The following PTPRN2 variants were observed in gnomAD, a reference collection of about 807,000 sequenced individuals.
The protein encoded by PTPRN2 is receptor-type tyrosine-protein phosphatase N2.
In PTPRN2, 74 loss-of-function variants were observed where a neutral mutation model predicts 118.8. The observed-to-expected ratio is 0.62, with a 90% CI of 0.52 to 0.76. The LOEUF (loss-of-function observed/expected upper bound fraction) is 0.76. Among genes scored for constraint, PTPRN2 ranks in the 30% least tolerant of loss-of-function variants. PTPRN2 has a pLI of 0.00. For synonymous variants in PTPRN2, 641 were observed against 608.0 expected, an observed-to-expected ratio of 1.05 and a Z score of -0.80; for missense variants, 1,481 against 1,394.4, an observed-to-expected ratio of 1.06 and a Z score of -0.99.
chr7:158,323,260 G>C lies in PTPRN2; in HGVS notation c.164-6328C>G, dbSNP rs1803188014. ...GGGGCCTCACACCCCCAGAGTTCTGGGATGCAACCCCCTTCACTGTGCAGA... is the reference window on the plus strand; with the variant it reads ...GGGGCCTCACACCCCCAGAGTTCTGCGATGCAACCCCCTTCACTGTGCAGA... On this transcript the variant is annotated intron_variant, in intron 2 of 22. Coordinates refer to ENST00000389418, the MANE Select transcript of PTPRN2 (RefSeq NM_002847.5). Among the ~76,000 whole-genome samples, 3 of 152,250 alleles carry C rather than the reference G, an allele frequency of 2.0e-5. No individual in the cohort carries two copies. The East Asian group carries it at 5.8e-4, about 29-fold the overall frequency.
chr7:158,482,157 T>A (rs1820692015), intron 2 of PTPRN2, among the ~76,000 whole-genome samples: 1 of 152,210 alleles, frequency 6.6e-6, no homozygotes, highest in South Asian at 2.1e-4. Context: ...GGAGATGGAA[T>A]CTACTCCTGG....
chr7:157,548,311 G>A (rs571794164), intron 22 of PTPRN2, among the ~76,000 whole-genome samples: 8 of 152,256 alleles, frequency 5.3e-5, no homozygotes, highest in South Asian at 2.1e-4. Flanking sequence ...ACAAAATCAC[G>A]TGATGGTCCT....
intron 11 of PTPRN2, among the ~76,000 whole-genome samples, chr7:157,955,961 C>A (rs561834655): frequency 1.8e-4 from 28 of 152,270 alleles, no homozygotes; most frequent in Middle Eastern, 3.4e-3. Flanking sequence ...CCCAGGAGAC[C>A]AAGGGAGAAA....
intron 21 of PTPRN2, among the ~76,000 whole-genome samples, chr7:157,555,833 A>G (rs545929041): frequency 1.2e-3 from 187 of 152,372 alleles, no homozygotes; most frequent in Non-Finnish European, 2.2e-3. Flanking sequence ...ATTCAAATAC[A>G]TGACGAATGG....
intron 2 of PTPRN2, among the ~76,000 whole-genome samples, chr7:158,320,901 G>A (rs1354757067): frequency 1.3e-5 from 2 of 152,116 alleles, no homozygotes; most frequent in African/African-American, 4.8e-5. Context: ...GTGCCTAGCA[G>A]TGAAATAGAA....
chr7:158,071,361 G>A lies in PTPRN2; in HGVS notation c.1723+9937C>T, dbSNP rs992481707. 1.0e-3 allele frequency among the ~76,000 whole-genome samples: 111 copies of A among 106,900 alleles called. 1 individual carries two copies. The highest frequency in any genetic ancestry group is 3.0e-3 in the African/African-American group (81 of 26,608). 70.1% of individuals were successfully genotyped at this position (106,900 alleles called of 152,430 possible). On this transcript the variant is annotated intron_variant, in intron 11 of 22. Coordinates refer to ENST00000389418, the MANE Select transcript of PTPRN2 (RefSeq NM_002847.5). ...GGTGGAGGTGCTCGTGGTGGTGGAG[G>A]TGCTCATGGTGGTGGAGGTGCTCGT...
chr7:158,332,789 C>G (rs1168636824), intron 2 of PTPRN2, among the ~76,000 whole-genome samples: 34 of 150,502 alleles, frequency 2.3e-4, no homozygotes, highest in Non-Finnish European at 4.4e-4. Flanking sequence ...ACCATAAGAG[C>G]TGATGCCTGC....
chr7:157,812,022 A>T lies in PTPRN2; in HGVS notation c.1788+86651T>A, dbSNP rs142348670. On this transcript the variant is annotated intron_variant, in intron 12 of 22. Coordinates refer to ENST00000389418, the MANE Select transcript of PTPRN2 (RefSeq NM_002847.5). ...GTGAAAAAAGCCTCGCTCTGAGGAC[A>T]GGCAGTGAGAAATGAGGAGGTTCAG... is the stretch of plus-strand genomic sequence containing the variant. Among the ~76,000 whole-genome samples, 756 of 152,266 alleles carry T rather than the reference A, an allele frequency of 5.0e-3. 5 individuals carry two copies. The highest frequency in any genetic ancestry group is 7.3e-3 in the Non-Finnish European group (497 of 68,022).
chr7:157,602,130 C>T lies in PTPRN2; in HGVS notation c.2418+1872G>A, dbSNP rs547730293. On this transcript the variant is annotated intron_variant, in intron 16 of 22. Coordinates refer to ENST00000389418, the MANE Select transcript of PTPRN2 (RefSeq NM_002847.5). ...CACGGAACCAAGCTTGGGAGTCAAC[C>T]TCTGCTGGAAGGAAGGAAGTGATTC... Among the ~76,000 whole-genome samples the T allele has an allele frequency of 7.6e-4, 116 of 152,352 alleles. 1 individual carries two copies. The highest frequency in any genetic ancestry group is 2.5e-3 in the African/African-American group (104 of 41,574).
At chr7:158,201,644 T>C (rs1826656248) in intron 4 of PTPRN2, among the ~76,000 whole-genome samples, 1 of 152,212 alleles carries the variant, frequency 6.6e-6, no homozygotes, top group Admixed American at 6.5e-5. Context: ...TACAACCTGC[T>C]TTCTCTGAAG....
intron 8 of PTPRN2, among the ~76,000 whole-genome samples, chr7:158,136,036 G>A (rs957031821): frequency 2.6e-5 from 4 of 152,268 alleles, no homozygotes; most frequent in South Asian, 2.1e-4. Context: ...CATCGCCTGC[G>A]ACTGGGCCCT....
At chr7:158,506,680 T>C (rs10259611) in intron 1 of PTPRN2, among the ~76,000 whole-genome samples, 37,673 of 151,638 alleles carry the variant, frequency 0.25, 4,919 homozygotes, top group East Asian at 0.43. Flanking sequence ...GGAGTGTGGC[T>C]ACTGGCAGGA....
intron 15 of PTPRN2, among the ~76,000 whole-genome samples, chr7:157,607,971 A>C (rs1332850151): frequency 6.6e-6 from 1 of 152,176 alleles, no homozygotes; most frequent in African/African-American, 2.4e-5. Context: ...TAAAGATGGC[A>C]CTGAGTCAAG....
chr7:158,162,705 T>C (rs913765312), intron 6 of PTPRN2, among the ~76,000 whole-genome samples: 6 of 151,976 alleles, frequency 3.9e-5, no homozygotes, highest in Non-Finnish European at 8.8e-5. Flanking sequence ...CTGAACCTGC[T>C]TTAAAGCTCT....
intron 9 of PTPRN2, among the ~76,000 whole-genome samples, chr7:158,125,745 C>T (rs973964603): frequency 6.6e-6 from 1 of 152,166 alleles, no homozygotes; most frequent in Non-Finnish European, 1.5e-5. Context: ...CACAACACAG[C>T]GTGGAGGCTG....
At chr7:158,032,293 C>A (rs2128882871) in intron 11 of PTPRN2, among the ~76,000 whole-genome samples, 1 of 152,298 alleles carries the variant, frequency 6.6e-6, no homozygotes, top group East Asian at 1.9e-4. Flanking sequence ...CTGATGAAGG[C>A]CCCTCCTCTG....
chr7:158,097,499 G>T (rs577088198), intron 10 of PTPRN2, among the ~76,000 whole-genome samples: 3 of 152,222 alleles, frequency 2.0e-5, no homozygotes, highest in African/African-American at 7.2e-5. Flanking sequence ...ATGCCCCGGC[G>T]GTCCTCGTGG....
At position 158,458,500 on chromosome 7, in the gene PTPRN2, G is replaced by T. The variant is rs561067766; in HGVS notation, c.163+31235C>A. Among the ~76,000 whole-genome samples, 164 of 152,212 alleles carry T rather than the reference G, an allele frequency of 1.1e-3. 1 individual carries two copies. In the South Asian group the frequency reaches 0.015, roughly 14 times the overall value. On this transcript the variant is annotated intron_variant, in intron 2 of 22. Coordinates refer to ENST00000389418, the MANE Select transcript of PTPRN2 (RefSeq NM_002847.5). ...TTTAAAGCTCCCCCGGTTTTTAAAA[G>T]CTCTAATAGTCAGCAAAATGCAAAA...
intron 12 of PTPRN2, chr7:157,864,162 T>C (rs1478169189): frequency 6.6e-6 from 1 of 152,292 alleles, no homozygotes; most frequent in Admixed American, 6.5e-5. Context: ...TCGCTGCTCC[T>C]TCCAAGCGAC....
Sources: allele counts gnomAD v4.1 joint callset (sites outside exome capture counted in the v4.1 genomes callset), GRCh38; gene constraint gnomAD v4.1.1; transcripts MANE v1.5; gene names NCBI Gene and HGNC (gene_info 2026-07-23, HGNC 2026-07-21).